The following TNRC6B variants were observed in gnomAD, a reference collection of about 807,000 sequenced individuals.
TNRC6B encodes the protein trinucleotide repeat-containing gene 6B protein.
TNRC6B carries 52 observed loss-of-function variants against 203.6 expected under a neutral mutation model. That is an observed-to-expected ratio of 0.26 (90% CI 0.20 to 0.32). TNRC6B has a LOEUF of 0.32. Ranked by LOEUF, TNRC6B falls within the 10% of genes least tolerant of loss-of-function variation. TNRC6B has a pLI of 1.00. For missense variants in TNRC6B, 1,923 were observed against 2,286.2 expected, an observed-to-expected ratio of 0.84 and a Z score of 3.24; for synonymous variants, 838 against 845.7, an observed-to-expected ratio of 0.99 and a Z score of 0.16.
In TNRC6B at chr22:40,324,286, TTC is replaced by T; in HGVS notation, c.*1047_*1048del. 6.6e-6 allele frequency: 1 copy of T among 152,024 alleles called. No homozygotes were observed. The highest frequency in any genetic ancestry group is 1.9e-4 in the East Asian group (1 of 5,192). The allele number at this position is 152,024 out of a possible 1,614,324, so 9.4% of individuals were successfully genotyped here. ...CCTCTTGGAGCAACGGTGTGTTTATTTCTGTTTTTTTTTTTTTTTAAGTGAAT... is the reference window on the plus strand; with the variant it reads ...CCTCTTGGAGCAACGGTGTGTTTATTTGTTTTTTTTTTTTTTTAAGTGAAT... On this transcript the variant is annotated 3_prime_UTR_variant, in exon 23 of 23. Coordinates refer to ENST00000454349, the MANE Select transcript of TNRC6B (RefSeq NM_001162501.2).
rs1426684917 is a variant in TNRC6B at position 40,322,990 on chromosome 22, A to T, written c.5251A>T (p.Thr1751Ser). 6.2e-7 allele frequency: 1 copy of T among 1,609,696 alleles called. No homozygotes were observed. The highest frequency in any genetic ancestry group is 8.5e-7 in the Non-Finnish European group (1 of 1,177,932). ...AGCTGCGGGGTGGCAGTCGCTGGAG[A>T]CCGGCCAGAACCAGTCAGATCCCGT... ...APAAGWQSLE[T>S]GQNQSDPVGP... Residue 1751 changes from threonine (T) to serine (S), a missense_variant, in exon 23 of 23, where the codon ACC becomes TCC. Thr to Ser is a moderately conservative substitution (Grantham distance 58). Around this residue, in one of 8 missense-constraint regions of TNRC6B, gnomAD observed 126 missense variants for 137.5 expected, o/e 0.92. Coordinates refer to ENST00000454349, the MANE Select transcript of TNRC6B (RefSeq NM_001162501.2).
chr22:40,065,758 A>G (rs1201311193), intron 1 of TNRC6B, among the ~76,000 whole-genome samples: 2 of 152,144 alleles, frequency 1.3e-5, no homozygotes, highest in Non-Finnish European at 2.9e-5. Context: ...GAAGCAGAAC[A>G]GTACTTTGGA....
chr22:40,206,287 T>G (rs1311457005), intron 1 of TNRC6B, among the ~76,000 whole-genome samples: 1 of 152,170 alleles, frequency 6.6e-6, no homozygotes, highest in African/African-American at 2.4e-5. Flanking sequence ...CAGCAAAGTT[T>G]TGTCTTTTTT....
At chr22:40,203,884 C>T (rs1197220935) in intron 1 of TNRC6B, among the ~76,000 whole-genome samples, 4 of 152,172 alleles carry the variant, frequency 2.6e-5, no homozygotes, top group African/African-American at 4.8e-5. Flanking sequence ...CCAGCATCGG[C>T]GTGGGCCTCT....
intron 1 of TNRC6B, among the ~76,000 whole-genome samples, chr22:40,064,790 T>C (rs780874673): frequency 1.3e-5 from 2 of 151,610 alleles, no homozygotes; most frequent in Non-Finnish European, 1.5e-5. Flanking sequence ...CTAATTTTTG[T>C]ATTTTTAGTA....
rs1456587818 is a variant in TNRC6B, at chr22:40,330,980, T to A, written c.*7739T>A. ...GTCCAAGAGCGCAGGTTTACACATC[T>A]GCATTCCCTAGTTTTCTCCGTCTGT... On this transcript the variant is annotated 3_prime_UTR_variant, in exon 23 of 23. Transcript: ENST00000454349. 2 of 152,726 alleles carry A rather than the reference T, an allele frequency of 1.3e-5. No homozygotes were observed. Among genetic ancestry groups the A allele is most frequent in the African/African-American group, 4.8e-5 (2 of 41,476 alleles). The allele number at this position is 152,726 out of a possible 1,614,324, so 9.5% of individuals were successfully genotyped here.
chr22:40,133,148 T>C (rs904919562), intron 3 of TNRC6B, among the ~76,000 whole-genome samples: 4 of 151,780 alleles, frequency 2.6e-5, no homozygotes, highest in African/African-American at 9.7e-5. Context: ...CATGTGGCTT[T>C]GACTGGTTAA....
chr22:40,295,431 G>GC (rs2070925576), intron 12 of TNRC6B, among the ~76,000 whole-genome samples: 1 of 148,898 alleles, frequency 6.7e-6, no homozygotes. Flanking sequence ...CTGAGGTCAT[G>GC]CCATTGCACT....
intron 1 of TNRC6B, among the ~76,000 whole-genome samples, chr22:40,185,584 TTAGC>T (rs2069190586): frequency 6.6e-6 from 1 of 152,084 alleles, no homozygotes; most frequent in Non-Finnish European, 1.5e-5. Flanking sequence ...GCAGGCTGTA[TTAGC>T]TAGAGTAAGG....
intron 19 of TNRC6B, among the ~76,000 whole-genome samples, chr22:40,314,272 T>C (rs2071227521): frequency 6.6e-6 from 1 of 152,218 alleles, no homozygotes; most frequent in Non-Finnish European, 1.5e-5. Context: ...ACCTCAGTAT[T>C]TTCTTCCTCT....
intron 22 of TNRC6B, 94 bp downstream of exon 22, chr22:40,321,323 C>A: frequency 7.0e-7 from 1 of 1,431,590 alleles, no homozygotes; most frequent in Non-Finnish European, 9.5e-7. Flanking sequence ...TGCACCAGAA[C>A]ATATACGAAG....
At chr22:40,129,911 A>G (rs542570253) in intron 3 of TNRC6B, among the ~76,000 whole-genome samples, 41 of 152,312 alleles carry the variant, frequency 2.7e-4, no homozygotes, top group African/African-American at 9.4e-4. Flanking sequence ...TAAATTTTCT[A>G]TGATAGTTTC....
chr22:40,143,688 G>A (rs572499594), intron 3 of TNRC6B, among the ~76,000 whole-genome samples: 1 of 152,246 alleles, frequency 6.6e-6, no homozygotes, highest in Non-Finnish European at 1.5e-5. Flanking sequence ...AGTAGAGACA[G>A]GGTTTCACCG....
chr22:40,195,931 A>G (rs2069331475), intron 1 of TNRC6B, among the ~76,000 whole-genome samples: 1 of 151,976 alleles, frequency 6.6e-6, no homozygotes, highest in Non-Finnish European at 1.5e-5. Flanking sequence ...CACCACGCCC[A>G]GCTAATTTTT....
intron 1 of TNRC6B, among the ~76,000 whole-genome samples, chr22:40,057,646 C>G (rs76979662): frequency 0.044 from 6,686 of 152,130 alleles, 444 homozygotes; most frequent in African/African-American, 0.14. Flanking sequence ...ATACATATCT[C>G]GAGCCTCAAA....
At position 40,177,954 on chromosome 22, in the gene TNRC6B, G is replaced by T; in HGVS notation, c.-182G>T. On this transcript the variant is annotated 5_prime_UTR_variant, in exon 1 of 23. It adds an upstream start codon to the 5' untranslated region. Transcript: ENST00000454349. ...ACAGAGAGGGAGAGAGAGAGCAAGA[G>T]GGAGAGTGTGTGAGAGAGAGTTAGT... is the stretch of plus-strand genomic sequence containing the variant. The T allele has an allele frequency of 7.0e-7, 1 of 1,420,524 alleles. No homozygotes were observed. The highest frequency in any genetic ancestry group is 2.6e-5 in the East Asian group (1 of 38,824). 88.0% of individuals were successfully genotyped at this position (1,420,524 alleles called of 1,614,324 possible). A position where few individuals can be genotyped will look rare whatever the true frequency, so the allele number is the denominator to read the frequency against.
intron 3 of TNRC6B, among the ~76,000 whole-genome samples, chr22:40,145,475 G>T (rs919812689): frequency 6.6e-6 from 1 of 152,142 alleles, no homozygotes; most frequent in Non-Finnish European, 1.5e-5. Flanking sequence ...TGCAGTACCT[G>T]CAGTAGAGGG....
chr22:40,109,038 AT>A (rs2068311057), intron 1 of TNRC6B, among the ~76,000 whole-genome samples: 1 of 144,348 alleles, frequency 6.9e-6, no homozygotes, highest in African/African-American at 2.6e-5. Flanking sequence ...GCAGTGTTTG[AT>A]TTTCTGTTCC....
At chr22:40,172,070 G>A (rs1282028765) in intron 4 of TNRC6B, among the ~76,000 whole-genome samples, 1 of 152,014 alleles carries the variant, frequency 6.6e-6, no homozygotes, top group East Asian at 1.9e-4. Context: ...GTAGAGATGG[G>A]GGTTTCACCA....
Sources: allele counts gnomAD v4.1 joint callset (sites outside exome capture counted in the v4.1 genomes callset), GRCh38; gene constraint gnomAD v4.1.1; regional missense constraint gnomAD v4.1.1; transcripts MANE v1.5; gene names NCBI Gene and HGNC (gene_info 2026-07-23, HGNC 2026-07-21).